The following MCHR2 variants were observed in gnomAD, a reference collection of about 807,000 sequenced individuals.
MCHR2 encodes melanin concentrating hormone receptor 2.
In MCHR2, 15 loss-of-function variants were observed where a neutral mutation model predicts 24.8. That is an observed-to-expected ratio of 0.60 (90% CI 0.40 to 0.93). MCHR2 has a LOEUF of 0.93. MCHR2 is among the 40% of genes least tolerant of loss of function. The pLI is 0.00. For synonymous variants in MCHR2, 151 were observed against 147.6 expected, an observed-to-expected ratio of 1.02 and a Z score of -0.17; for missense variants, 386 against 408.7, an observed-to-expected ratio of 0.94 and a Z score of 0.48.
intron 2 of MCHR2, among the ~76,000 whole-genome samples, chr6:99,955,655 G>T (rs568224745): frequency 1.3e-5 from 2 of 152,152 alleles, no homozygotes; most frequent in South Asian, 4.1e-4. Context: ...TGCATATCAG[G>T]AGTTTTTAAA....
At chr6:99,985,209 T>C (rs1775748363) in intron 1 of MCHR2, among the ~76,000 whole-genome samples, 1 of 151,200 alleles carries the variant, frequency 6.6e-6, no homozygotes, top group Non-Finnish European at 1.5e-5. Flanking sequence ...CATCCTATGC[T>C]CATGAATTGG....
intron 5 of MCHR2, among the ~76,000 whole-genome samples, chr6:99,925,153 G>C (rs1774323512): frequency 1.3e-5 from 2 of 151,856 alleles, no homozygotes; most frequent in Admixed American, 6.6e-5. Flanking sequence ...TCATTATATG[G>C]TGATCTTCTT....
chr6:99,928,902 G>C (rs868729090), intron 5 of MCHR2, among the ~76,000 whole-genome samples: 2 of 151,844 alleles, frequency 1.3e-5, no homozygotes, highest in African/African-American at 2.4e-5. Context: ...TTTGCTCTTG[G>C]TTTTCTACTT....
intron 4 of MCHR2, among the ~76,000 whole-genome samples, chr6:99,940,698 T>C (rs1369244043): frequency 6.6e-6 from 1 of 152,174 alleles, no homozygotes; most frequent in Non-Finnish European, 1.5e-5. Flanking sequence ...TTTTGGTTTT[T>C]ATTTCCTGTA....
intron 1 of MCHR2, among the ~76,000 whole-genome samples, chr6:99,974,415 C>T (rs1011404534): frequency 3.9e-5 from 6 of 152,210 alleles, no homozygotes; most frequent in Non-Finnish European, 8.8e-5. Context: ...TCCATCAGCT[C>T]CTTTAAGGAC....
In MCHR2 at chr6:99,956,980, G is replaced by A. The variant is rs1050642354; in HGVS notation, c.-27-806C>T. On this transcript the variant is annotated intron_variant, in intron 1 of 5. Coordinates refer to ENST00000281806, the MANE Select transcript of MCHR2 (RefSeq NM_001040179.2). ...TGTGTGTGTGTATTTATATTTATGT[G>A]TGTCTGCGTGTGTGTATACAGCAAC... Among the ~76,000 whole-genome samples, 14 of 152,118 alleles carry A rather than the reference G, an allele frequency of 9.2e-5. 1 individual carries two copies. The East Asian group carries it at 2.3e-3, about 25-fold the overall frequency.
chr6:99,943,646 C>T (rs919612283), intron 3 of MCHR2, among the ~76,000 whole-genome samples: 2 of 152,036 alleles, frequency 1.3e-5, no homozygotes, highest in African/African-American at 4.8e-5. Flanking sequence ...TCATCCATGT[C>T]CCTACAAAGG....
chr6:99,931,666 G>C (rs1774544303), intron 5 of MCHR2, among the ~76,000 whole-genome samples: 1 of 152,276 alleles, frequency 6.6e-6, no homozygotes, highest in South Asian at 2.1e-4. Flanking sequence ...ATCTCCTGGT[G>C]TGCCGTCTCC....
In MCHR2 at chr6:99,956,028, C is replaced by T. The variant is rs1775052190; in HGVS notation, c.120G>A (p.Met40Ile). Residue 40 changes from methionine (M) to isoleucine (I), a missense_variant, in exon 2 of 6, where the codon ATG becomes ATA. Coordinates refer to ENST00000281806, the MANE Select transcript of MCHR2 (RefSeq NM_001040179.2). ...SVVDTVILPS[M>I]IGIICSTGLV... is the part of the protein sequence containing the mutation. ...GCCCTGTTGAACAGATAATCCCAAT[C>T]ATGGAAGGGAGGATGACTGTATCTA... 1 of 1,612,958 alleles carries T rather than the reference C, an allele frequency of 6.2e-7. No homozygotes were observed. The highest frequency in any genetic ancestry group is 1.1e-5 in the South Asian group (1 of 91,016).
rs77354521 is a variant in MCHR2 at position 99,942,452 on chromosome 6, T to C, written c.587+497A>G. Reference sequence around the variant, plus strand: ...CTTCTCCTTATCAGGACAATAGTCATTGGGCCCACCCTAATCCAGCATGAC... The same window carrying C: ...CTTCTCCTTATCAGGACAATAGTCACTGGGCCCACCCTAATCCAGCATGAC... On this transcript the variant is annotated intron_variant, in intron 4 of 5. Transcript: ENST00000281806. Among the ~76,000 whole-genome samples, 23 of 152,334 alleles carry C rather than the reference T, an allele frequency of 1.5e-4. No individual in the cohort carries two copies. In the East Asian group the frequency reaches 3.9e-3, roughly 26 times the overall value.
intron 1 of MCHR2, among the ~76,000 whole-genome samples, chr6:99,992,009 A>C (rs2114604150): frequency 1.3e-5 from 2 of 152,326 alleles, no homozygotes; most frequent in Middle Eastern, 6.8e-3. Flanking sequence ...AATGTTAAAA[A>C]TAAATGCATA....
intron 1 of MCHR2, among the ~76,000 whole-genome samples, chr6:99,985,891 C>T (rs1490315091): frequency 6.6e-6 from 1 of 152,074 alleles, no homozygotes; most frequent in Non-Finnish European, 1.5e-5. Context: ...AGACAACCTA[C>T]AGAATAGGCG....
intron 5 of MCHR2, among the ~76,000 whole-genome samples, chr6:99,929,088 G>C (rs561139207): frequency 6.6e-6 from 1 of 151,994 alleles, no homozygotes; most frequent in Non-Finnish European, 1.5e-5. Flanking sequence ...CCTTCATTTC[G>C]TTATATACCC....
chr6:99,944,136 T>C (rs1774830925), intron 3 of MCHR2, among the ~76,000 whole-genome samples: 1 of 152,208 alleles, frequency 6.6e-6, no homozygotes, highest in African/African-American at 2.4e-5. Flanking sequence ...AGAAATAGGC[T>C]AATTTCATGG....
intron 1 of MCHR2, among the ~76,000 whole-genome samples, chr6:99,976,431 T>C (rs1381530592): frequency 5.9e-5 from 9 of 152,196 alleles, no homozygotes; most frequent in Non-Finnish European, 1.2e-4. Context: ...TACCTCCAGG[T>C]GGCATTAGTG....
At chr6:99,980,088 A>G (rs1437884852) in intron 1 of MCHR2, among the ~76,000 whole-genome samples, 1 of 150,100 alleles carries the variant, frequency 6.7e-6, no homozygotes, top group South Asian at 2.1e-4. Context: ...TGATCATTTC[A>G]AGTTACATGA....
intron 5 of MCHR2, among the ~76,000 whole-genome samples, chr6:99,932,359 A>G (rs1232858054): frequency 6.6e-6 from 1 of 152,192 alleles, no homozygotes; most frequent in Non-Finnish European, 1.5e-5. Context: ...AAGCATTCTA[A>G]ATAATATAGG....
chr6:99,961,557 G>T (rs137933442), intron 1 of MCHR2, among the ~76,000 whole-genome samples: 1 of 152,098 alleles, frequency 6.6e-6, no homozygotes, highest in Non-Finnish European at 1.5e-5. Flanking sequence ...TCCTTTGCGG[G>T]GACATGGATG....
intron 4 of MCHR2, among the ~76,000 whole-genome samples, chr6:99,942,676 C>A (rs546248767): frequency 6.6e-6 from 1 of 152,100 alleles, no homozygotes; most frequent in African/African-American, 2.4e-5. Context: ...ATTCCCACTG[C>A]GTCTGGCTGC....
Sources: allele counts gnomAD v4.1 joint callset (sites outside exome capture counted in the v4.1 genomes callset), GRCh38; gene constraint gnomAD v4.1.1; transcripts MANE v1.5; gene names NCBI Gene and HGNC (gene_info 2026-07-23, HGNC 2026-07-21).